Variants in IL1RAPL2 observed in about 807,000 individuals in gnomAD.
IL1RAPL2 encodes interleukin 1 receptor accessory protein like 2.
IL1RAPL2 carries 3 observed loss-of-function variants against 44.1 expected under a neutral mutation model. The observed-to-expected ratio is 0.07, with a 90% CI of 0.03 to 0.18. The LOEUF (loss-of-function observed/expected upper bound fraction) is 0.18. Among genes scored for constraint, IL1RAPL2 ranks in the 10% least tolerant of loss-of-function variants. The probability of loss-of-function intolerance (pLI) is 1.00; values close to 1 mark genes in which losing one functional copy is unlikely to be tolerated. For missense variants in IL1RAPL2, 391 were observed against 496.4 expected (o/e 0.79, Z 2.02); for synonymous variants, 181 against 178.8 (o/e 1.01, Z -0.10).
At chrX:104,838,836 T>G (rs1921816399) in intron 2 of IL1RAPL2, among the ~76,000 whole-genome samples, 1 of 56,048 alleles carries the variant, frequency 1.8e-5, no homozygotes, top group Non-Finnish European at 3.5e-5. Flanking sequence ...TCTTTCTTTC[T>G]TTCTTTCTTT....
intron 5 of IL1RAPL2, among the ~76,000 whole-genome samples, chrX:105,447,581 ATATT>A (rs1402785864): frequency 1.3e-5 from 1 of 78,860 alleles, no homozygotes; most frequent in African/African-American, 5.3e-5. Context: ...ACATAAATAT[ATATT>A]TATATAAATA....
At chrX:105,546,085 T>A (rs1356033222) in intron 6 of IL1RAPL2, among the ~76,000 whole-genome samples, 1 of 111,220 alleles carries the variant, frequency 9.0e-6, no homozygotes, top group East Asian at 2.8e-4. Flanking sequence ...CCCCCTTTGA[T>A]AGTGGCAGAA....
intron 2 of IL1RAPL2, among the ~76,000 whole-genome samples, chrX:105,082,473 A>G (rs2032424323): frequency 9.0e-6 from 1 of 111,504 alleles, no homozygotes; most frequent in African/African-American, 3.3e-5. Flanking sequence ...TGCTTCCTCA[A>G]GTGGTTCTAT....
At chrX:105,366,222 C>T (rs752378570) in intron 5 of IL1RAPL2, among the ~76,000 whole-genome samples, 12 of 111,460 alleles carry the variant, frequency 1.1e-4, no homozygotes, top group Non-Finnish European at 1.7e-4. Flanking sequence ...ACAGGGATTA[C>T]GGGCATGAGT....
At chrX:105,066,447 C>G (rs1422300658) in intron 2 of IL1RAPL2, among the ~76,000 whole-genome samples, 2 of 111,671 alleles carry the variant, frequency 1.8e-5, no homozygotes, top group Non-Finnish European at 3.8e-5. Context: ...TTTTGACTGA[C>G]AAATATGATT....
intron 2 of IL1RAPL2, among the ~76,000 whole-genome samples, chrX:104,948,400 A>G (rs1256941506): frequency 9.7e-6 from 1 of 102,854 alleles, no homozygotes; most frequent in African/African-American, 3.5e-5. Flanking sequence ...CTAATTGAAT[A>G]CCCTTTATTT....
chrX:105,393,231 A>G (rs1420212949), intron 5 of IL1RAPL2, among the ~76,000 whole-genome samples: 2 of 110,063 alleles, frequency 1.8e-5, no homozygotes, highest in Non-Finnish European at 3.8e-5. Context: ...GGAGTGTGGA[A>G]AATGGTCCTC....
chrX:105,759,226 G>C (rs1049100751), intron 10 of IL1RAPL2, among the ~76,000 whole-genome samples: 1 of 112,365 alleles, frequency 8.9e-6, no homozygotes, highest in Non-Finnish European at 1.9e-5. Flanking sequence ...ACTAAAAGTA[G>C]AAACAACCCA....
At chrX:104,950,170 T>C (rs1051763725) in intron 2 of IL1RAPL2, among the ~76,000 whole-genome samples, 19 of 111,859 alleles carry the variant, frequency 1.7e-4, no homozygotes, top group African/African-American at 4.9e-4. Flanking sequence ...TTTACCATTA[T>C]GTAATGGCCT....
intron 2 of IL1RAPL2, among the ~76,000 whole-genome samples, chrX:104,943,202 G>A (rs758594119): frequency 1.8e-5 from 2 of 110,766 alleles, no homozygotes; most frequent in African/African-American, 3.3e-5. Context: ...GATGATGCTG[G>A]CCTCATACCA....
intron 5 of IL1RAPL2, among the ~76,000 whole-genome samples, chrX:105,403,812 C>A (rs1038205394): frequency 1.8e-5 from 2 of 111,351 alleles, no homozygotes; most frequent in Admixed American, 9.6e-5. Context: ...TTTCCCCTAA[C>A]CAATTTATCC....
intron 5 of IL1RAPL2, among the ~76,000 whole-genome samples, chrX:105,375,338 C>A (rs1256091969): frequency 9.0e-6 from 1 of 110,859 alleles, no homozygotes; most frequent in African/African-American, 3.3e-5. Context: ...GGTGAAACCC[C>A]GTCTCTACTA....
intron 5 of IL1RAPL2, among the ~76,000 whole-genome samples, chrX:105,359,313 T>C (rs1400975545): frequency 9.0e-6 from 1 of 111,387 alleles, no homozygotes; most frequent in Non-Finnish European, 1.9e-5. Flanking sequence ...GGGTGGGGAA[T>C]GGTATGGGAA....
chrX:105,438,859 T>G (rs2035899337), intron 5 of IL1RAPL2, among the ~76,000 whole-genome samples: 1 of 110,815 alleles, frequency 9.0e-6, no homozygotes, highest in South Asian at 3.8e-4. Context: ...TTGACATTGC[T>G]TGGCTGTGTG....
chrX:105,527,414 A>C (rs2036601711), intron 6 of IL1RAPL2, among the ~76,000 whole-genome samples: 1 of 101,700 alleles, frequency 9.8e-6, no homozygotes, highest in South Asian at 4.8e-4. Context: ...TAAAAAGGAC[A>C]TGCAGTATAT....
chrX:105,611,550 T>A (rs1442211201), intron 6 of IL1RAPL2, among the ~76,000 whole-genome samples: 2 of 112,027 alleles, frequency 1.8e-5, no homozygotes, highest in Non-Finnish European at 3.8e-5. Context: ...GGTGTTACAA[T>A]TGCCTACAGT....
chrX:105,652,235 G>A (rs1373895768), intron 6 of IL1RAPL2, among the ~76,000 whole-genome samples: 1 of 111,691 alleles, frequency 9.0e-6, no homozygotes, highest in East Asian at 2.8e-4. Flanking sequence ...ATTCTAGCAA[G>A]AACCCATCAA....
At chrX:104,779,833 G>A (rs1932760979) in intron 2 of IL1RAPL2, among the ~76,000 whole-genome samples, 1 of 110,660 alleles carries the variant, frequency 9.0e-6, no homozygotes, top group Admixed American at 9.7e-5. Context: ...TGTGAAGGCA[G>A]AAAAATGTGG....
intron 2 of IL1RAPL2, among the ~76,000 whole-genome samples, chrX:105,098,590 G>T (rs1457971502): frequency 8.9e-6 from 1 of 112,169 alleles, no homozygotes; most frequent in Non-Finnish European, 1.9e-5. Flanking sequence ...ATTTTGATCT[G>T]CAGGTCTTCT....
Sources: allele counts gnomAD v4.1 joint callset (sites outside exome capture counted in the v4.1 genomes callset), GRCh38; gene constraint gnomAD v4.1.1; transcripts MANE v1.5; gene names NCBI Gene and HGNC (gene_info 2026-07-23, HGNC 2026-07-21).